CADPS: variants seen among roughly 807,000 people sequenced by gnomAD.
The protein encoded by CADPS is calcium-dependent secretion activator 1.
A neutral mutation model predicts 167.3 loss-of-function variants in CADPS; 57 were observed. The observed-to-expected ratio is 0.34, with a 90% CI of 0.28 to 0.42. The LOEUF (loss-of-function observed/expected upper bound fraction) is 0.42. Among genes scored for constraint, CADPS ranks in the 20% least tolerant of loss-of-function variants. The pLI, the probability that CADPS is intolerant of heterozygous loss-of-function variation, is 1.00. For synonymous variants in CADPS, 676 were observed against 635.3 expected (o/e 1.06, Z -0.96); for missense variants, 1,414 against 1,738.1 (o/e 0.81, Z 3.32).
chr3:62,519,118 C>T (rs897193027), intron 13 of CADPS, among the ~76,000 whole-genome samples: 1 of 152,174 alleles, frequency 6.6e-6, no homozygotes, highest in African/African-American at 2.4e-5. Flanking sequence ...CTGTTCCAAA[C>T]TAAATGCAGG....
At chr3:62,768,634 C>T (rs906377001) in intron 1 of CADPS, among the ~76,000 whole-genome samples, 16 of 152,060 alleles carry the variant, frequency 1.1e-4, no homozygotes, top group Admixed American at 6.6e-4. Flanking sequence ...CCTGATCTCA[C>T]CTGTTACTTC....
chr3:62,605,255 A>AC (rs1562804851), intron 6 of CADPS, among the ~76,000 whole-genome samples: 2 of 134,878 alleles, frequency 1.5e-5, no homozygotes, highest in Non-Finnish European at 3.3e-5. Flanking sequence ...AAAAACAAAA[A>AC]AAAAAAAACT....
At chr3:62,675,976 A>C (rs1364008082) in intron 3 of CADPS, among the ~76,000 whole-genome samples, 1 of 140,522 alleles carries the variant, frequency 7.1e-6, no homozygotes, top group Non-Finnish European at 1.6e-5. Context: ...TTACTGTAAA[A>C]TCTCAGAAGG....
chr3:62,491,368 G>A lies in CADPS; in HGVS notation c.2997C>T (p.Gly999=). The A allele has an allele frequency of 6.2e-7, 1 of 1,614,056 alleles. No homozygotes were observed. Among genetic ancestry groups the A allele is most frequent in the Non-Finnish European group, 8.5e-7 (1 of 1,179,972 alleles). ...ESSIAQSIHR[G]FERESWEPVK... The stretch of plus-strand genomic sequence containing the variant: ...CTGGTTCCCATGACTCCCGCTCAAA[G>A]CCCCTGTGAATGGATTGTGCAATTG... Residue 999 remains glycine, a synonymous_variant, in exon 21 of 30, where the codon GGC becomes GGT. Transcript: ENST00000383710.
At chr3:62,466,466 A>C in intron 24 of CADPS, 53 bp from the exon 25 acceptor site, 1 of 1,137,058 alleles carries the variant, frequency 8.8e-7, no homozygotes, top group Non-Finnish European at 1.3e-6. Context: ...ATGGCACTGC[A>C]TCCGTCAGTA....
At chr3:62,432,065 T>C (rs933034925) in intron 28 of CADPS, among the ~76,000 whole-genome samples, 2 of 151,846 alleles carry the variant, frequency 1.3e-5, no homozygotes, top group Non-Finnish European at 2.9e-5. Context: ...CCCAAAACCC[T>C]GAAGTTCCGA....
At chr3:62,853,602 G>C (rs1460479630) in intron 1 of CADPS, among the ~76,000 whole-genome samples, 1 of 141,084 alleles carries the variant, frequency 7.1e-6, no homozygotes, top group Non-Finnish European at 1.5e-5. Flanking sequence ...TCCAGCCTGA[G>C]CAACCAGAGC....
At chr3:62,738,495 A>G (rs482199) in intron 3 of CADPS, among the ~76,000 whole-genome samples, 99,364 of 151,906 alleles carry the variant, frequency 0.65, 34,335 homozygotes, top group African/African-American at 0.88. Context: ...AGGCCGAGGC[A>G]GGTGGATCAT....
intron 22 of CADPS, among the ~76,000 whole-genome samples, chr3:62,481,405 T>C (rs2061995567): frequency 6.6e-6 from 1 of 152,218 alleles, no homozygotes; most frequent in African/African-American, 2.4e-5. Context: ...TCCTCCACTA[T>C]TTTTGGATGT....
chr3:62,667,962 T>C (rs1176774887), intron 3 of CADPS, among the ~76,000 whole-genome samples: 1 of 152,148 alleles, frequency 6.6e-6, no homozygotes, highest in Non-Finnish European at 1.5e-5. Context: ...CCTTGGAGAA[T>C]TGGCCTTGAC....
In CADPS at chr3:62,527,896, T is replaced by C. The variant is rs1331876101; in HGVS notation, c.2291+4975A>G. On this transcript the variant is annotated intron_variant, in intron 13 of 29. Coordinates refer to ENST00000383710, the MANE Select transcript of CADPS (RefSeq NM_003716.4). ...TTTTAAATCTGGAACAAAGAATAGA[T>C]AACATCTCCACATCCAAATGCTGGT... 2.0e-5 allele frequency among the ~76,000 whole-genome samples: 3 copies of C among 152,178 alleles called. No homozygotes were observed. In the South Asian group the frequency reaches 6.2e-4, roughly 32 times the overall value.
chr3:62,875,171 C>G lies in CADPS; in HGVS notation c.-142G>C. 8.9e-7 allele frequency: 1 copy of G among 1,125,034 alleles called. No homozygotes were observed. Among genetic ancestry groups the G allele is most frequent in the African/African-American group, 1.6e-5 (1 of 60,792 alleles). The allele number at this position is 1,125,034 out of a possible 1,614,324, so 69.7% of individuals were successfully genotyped here. A position where few individuals can be genotyped will look rare whatever the true frequency, so the allele number is the denominator to read the frequency against. On this transcript the variant is annotated 5_prime_UTR_variant, in exon 1 of 30. Coordinates refer to ENST00000383710, the MANE Select transcript of CADPS (RefSeq NM_003716.4). ...GAGCGAGAGCGCTGCTGCTCAGCCT[C>G]GGCCGCCGCGACTGATCCTCTGCCC...
intron 1 of CADPS, among the ~76,000 whole-genome samples, chr3:62,867,282 A>T (rs2081875717): frequency 1.3e-5 from 2 of 152,024 alleles, no homozygotes; most frequent in African/African-American, 2.4e-5. Flanking sequence ...CTATGAAGAA[A>T]ATAAGGAACT....
chr3:62,588,282 C>G (rs1469279575), intron 7 of CADPS, among the ~76,000 whole-genome samples: 2 of 146,662 alleles, frequency 1.4e-5, no homozygotes, highest in East Asian at 4.1e-4. Context: ...CTAGGTGCTT[C>G]ATTTCCAGGT....
intron 3 of CADPS, among the ~76,000 whole-genome samples, chr3:62,666,318 C>T (rs1176688233): frequency 6.6e-6 from 1 of 152,146 alleles, no homozygotes; most frequent in Non-Finnish European, 1.5e-5. Flanking sequence ...ATAGAGAAGG[C>T]CATCCTCGCG....
At position 62,492,444 on chromosome 3, in the gene CADPS, G is replaced by T. The variant is rs1228129417; in HGVS notation, c.2730C>A (p.Ala910=). The change falls in exon 20 of 30, where the codon GCC becomes GCA. Residue 910 remains alanine, a splice_region_variant and synonymous_variant. Coordinates refer to ENST00000383710, the MANE Select transcript of CADPS (RefSeq NM_003716.4). Reference sequence around the variant, plus strand: ...CCATTAAATCTGACCACCACGCAAAGGCCTTTAAAATTTGGCAGAAAAACA... The same window carrying T: ...CCATTAAATCTGACCACCACGCAAATGCCTTTAAAATTTGGCAGAAAAACA... ...HAEPHVDKGE[A]FAWWSDLMVE... is the part of the protein sequence containing the mutation. The T allele has an allele frequency of 6.2e-7, 1 of 1,612,422 alleles. No individual in the cohort carries two copies.
chr3:62,650,813 G>T, intron 5 of CADPS, 34 bp downstream of exon 5: 1 of 1,542,692 alleles, frequency 6.5e-7, no homozygotes, highest in Non-Finnish European at 9.0e-7. Context: ...TACTTGCTGT[G>T]CCAAGAAACT....
At chr3:62,840,135 T>C (rs1023981909) in intron 1 of CADPS, among the ~76,000 whole-genome samples, 1 of 152,246 alleles carries the variant, frequency 6.6e-6, no homozygotes, top group Admixed American at 6.5e-5. Flanking sequence ...TTCATTATTA[T>C]TGCCATTAGC....
In CADPS at chr3:62,746,806, A is replaced by G. The variant is rs1345101949; in HGVS notation, c.888+6635T>C. ...CTTCCCTGTTGAGCCTCCAGATGTG[A>G]GCACAGCCTCGCCAGCACCTTAATT... On this transcript the variant is annotated intron_variant, in intron 3 of 29. Coordinates refer to ENST00000383710, the MANE Select transcript of CADPS (RefSeq NM_003716.4). 2.6e-5 allele frequency among the ~76,000 whole-genome samples: 4 copies of G among 152,316 alleles called. No homozygotes were observed. In the East Asian group the frequency reaches 7.7e-4, roughly 29 times the overall value.
Sources: gnomAD v4.1 joint callset for allele counts (sites outside exome capture counted in the v4.1 genomes callset) on GRCh38, gnomAD v4.1.1 for gene constraint, MANE v1.5 for transcripts, NCBI Gene and HGNC (gene_info 2026-07-23, HGNC 2026-07-21) for gene names.